Variants in MON2 observed in about 807,000 individuals in gnomAD.
The protein encoded by MON2 is MON2 regulator of endosome-to-Golgi trafficking.
In MON2, 84 loss-of-function variants were observed where a neutral mutation model predicts 208.6. That is an observed-to-expected ratio of 0.40 (90% CI 0.34 to 0.48). The LOEUF (loss-of-function observed/expected upper bound fraction) is 0.48, where lower values mean the gene tolerates loss of function less well. Ranked by LOEUF, MON2 falls within the 20% of genes least tolerant of loss-of-function variation. The pLI, the probability that MON2 is intolerant of heterozygous loss-of-function variation, is 0.59. For missense variants in MON2, 1,611 were observed against 2,015.4 expected (o/e 0.80, Z 3.84); for synonymous variants, 660 against 694.0 (o/e 0.95, Z 0.77).
intron 1 of MON2, among the ~76,000 whole-genome samples, chr12:62,473,629 G>C (rs2068906663): frequency 6.6e-6 from 1 of 152,032 alleles, no homozygotes; most frequent in African/African-American, 2.4e-5. Flanking sequence ...GGAGTGCAGT[G>C]GGCTATCTTG....
At chr12:62,478,115 TATA>T (rs1256183210) in intron 1 of MON2, among the ~76,000 whole-genome samples, 1 of 145,178 alleles carries the variant, frequency 6.9e-6, no homozygotes, top group African/African-American at 2.5e-5. Context: ...CACTTGTAGA[TATA>T]ATTTGTGTGT....
At chr12:62,537,418 A>G (rs536679619) in intron 15 of MON2, among the ~76,000 whole-genome samples, 155 bp downstream of exon 15, 151 of 152,346 alleles carry the variant, frequency 9.9e-4, no homozygotes, top group African/African-American at 3.6e-3. Context: ...TGCAGTTGAC[A>G]TTACTGTAAC....
intron 31 of MON2, among the ~76,000 whole-genome samples, chr12:62,580,019 C>G (rs1443115925): frequency 6.6e-6 from 1 of 152,070 alleles, no homozygotes; most frequent in Non-Finnish European, 1.5e-5. Context: ...CTCTAGAGCC[C>G]TATTTGCAGT....
intron 14 of MON2, among the ~76,000 whole-genome samples, chr12:62,536,495 C>G (rs1300950284): frequency 1.3e-5 from 2 of 152,094 alleles, no homozygotes; most frequent in African/African-American, 2.4e-5. Context: ...ACTCAGTTTT[C>G]AAACTGAAAA....
Position 62,532,421 on chromosome 12 carries a change from A to G in MON2, c.1401-17A>G, listed in dbSNP as rs1455523078. 2.6e-6 allele frequency: 4 copies of G among 1,568,408 alleles called. No individual in the cohort carries two copies. In the East Asian group the frequency reaches 6.7e-5, roughly 26 times the overall value. Reference sequence around the variant, plus strand: ...TTGTGGCTTCTCATTAGTATTCTATATTTTTCATAATTTCAGCTTAGAAAT... The same window carrying G: ...TTGTGGCTTCTCATTAGTATTCTATGTTTTTCATAATTTCAGCTTAGAAAT... On this transcript the variant is annotated splice_polypyrimidine_tract_variant and intron_variant, in intron 11 of 34. Coordinates refer to ENST00000393630, the MANE Select transcript of MON2 (RefSeq NM_015026.3).
chr12:62,503,625 T>C (rs553514011), intron 7 of MON2, among the ~76,000 whole-genome samples: 1 of 152,348 alleles, frequency 6.6e-6, no homozygotes, highest in South Asian at 2.1e-4. Context: ...CTGTGGAACT[T>C]TTCATGGTTT....
chr12:62,531,106 A>G (rs1027320783), intron 11 of MON2, among the ~76,000 whole-genome samples: 1 of 152,162 alleles, frequency 6.6e-6, no homozygotes, highest in African/African-American at 2.4e-5. Flanking sequence ...TAAGAGTTAT[A>G]TATTCTAGAT....
Position 62,534,518 on chromosome 12 carries a change from CAAAAAAAAAAA to C in MON2, c.1634-312_1634-302del, listed in dbSNP as rs869145698. 2.3e-3 allele frequency among the ~76,000 whole-genome samples: 154 copies of C among 67,428 alleles called. 2 individuals are homozygous for C. The highest frequency in any genetic ancestry group is 0.012 in the South Asian group (22 of 1,784). The allele number at this position is 67,428 out of a possible 152,430, so 44.2% of individuals were successfully genotyped here. ...TGGGCAACAGAGCAAGACTCCATCG[CAAAAAAAAAAA>C]AAAAAAAAAAAAAATATATATATAT... On this transcript the variant is annotated intron_variant, in intron 12 of 34. Coordinates refer to ENST00000393630, the MANE Select transcript of MON2 (RefSeq NM_015026.3).
chr12:62,503,104 C>G (rs2070926961), intron 7 of MON2, among the ~76,000 whole-genome samples: 1 of 152,108 alleles, frequency 6.6e-6, no homozygotes, highest in Non-Finnish European at 1.5e-5. Flanking sequence ...TCTTGACTGC[C>G]TTCTATGTGC....
At chr12:62,586,476 T>G (rs1234114704) in intron 33 of MON2, among the ~76,000 whole-genome samples, 1 of 152,236 alleles carries the variant, frequency 6.6e-6, no homozygotes, top group African/African-American at 2.4e-5. Flanking sequence ...CATTTTTAAA[T>G]TATTTGCCAG....
At chr12:62,467,362 T>C (rs767536217) in intron 1 of MON2, 44 bp downstream of exon 1, 2 of 1,506,070 alleles carry the variant, frequency 1.3e-6, no homozygotes, top group Non-Finnish European at 1.8e-6. Context: ...TGAGCATGCC[T>C]GGTCCTGTTA....
At chr12:62,534,228 A>AT (rs2072795747) in intron 12 of MON2, among the ~76,000 whole-genome samples, 1 of 149,316 alleles carries the variant, frequency 6.7e-6, no homozygotes, top group African/African-American at 2.5e-5. Context: ...CTGTCTCTTA[A>AT]AAAAAAAAAT....
At chr12:62,578,123 T>C (rs547816797) in intron 30 of MON2, among the ~76,000 whole-genome samples, 9 of 152,308 alleles carry the variant, frequency 5.9e-5, no homozygotes, top group Admixed American at 4.6e-4. Flanking sequence ...ACCACAATGG[T>C]AACTTTTGCT....
At chr12:62,495,959 T>C (rs191457963) in intron 4 of MON2, among the ~76,000 whole-genome samples, 1 of 152,194 alleles carries the variant, frequency 6.6e-6, no homozygotes, top group Admixed American at 6.6e-5. Context: ...TAAAAAGTTT[T>C]TTATTATGAA....
Position 62,493,922 on chromosome 12 carries a change from A to G in MON2, c.183A>G (p.Lys61=). The G allele has an allele frequency of 6.3e-7, 1 of 1,583,508 alleles. No homozygotes were observed. The highest frequency in any genetic ancestry group is 1.3e-5 in the African/African-American group (1 of 74,438). The change falls in exon 3 of 35, where the codon AAA becomes AAG. Residue 61 remains lysine (K), a synonymous_variant. Transcript: ENST00000393630. ...TATGTGTTCTAAATGAAGCACTGAA[A>G]GAGAACAGCTCAGAGGTTGTACAGC... ...ARNTEILAAL[K]ENSSEVVQPF... is the part of the protein sequence containing the mutation.
chr12:62,584,341 T>G (rs898056750), intron 32 of MON2, among the ~76,000 whole-genome samples: 9 of 152,180 alleles, frequency 5.9e-5, no homozygotes, highest in African/African-American at 2.2e-4. Flanking sequence ...GTTTTACTTC[T>G]CATTGATTGT....
chr12:62,475,107 C>T lies in MON2; in HGVS notation c.111+7789C>T, dbSNP rs545051298. On this transcript the variant is annotated intron_variant, in intron 1 of 34. Transcript: ENST00000393630. ...ATATTCTCTTGATTTTCCTAACCTT[C>T]CTTTTTAGCTTTATCACCCTCAAAT... is the stretch of plus-strand genomic sequence containing the variant. 1.2e-4 allele frequency among the ~76,000 whole-genome samples: 19 copies of T among 152,328 alleles called. No individual in the cohort carries two copies. The South Asian group carries it at 3.3e-3, about 27-fold the overall frequency.
chr12:62,523,717 T>A (rs1481385897), intron 8 of MON2, among the ~76,000 whole-genome samples: 2 of 152,160 alleles, frequency 1.3e-5, no homozygotes, highest in African/African-American at 4.8e-5. Context: ...ATCCAATAAC[T>A]TGCTGTACCT....
intron 23 of MON2, 79 bp downstream of exon 23, chr12:62,549,909 T>C: frequency 6.5e-6 from 6 of 927,308 alleles, no homozygotes; most frequent in Non-Finnish European, 9.0e-6. Context: ...TAAGCAAATA[T>C]ACTTTTAGCT....
Sources: gnomAD v4.1 joint callset for allele counts (sites outside exome capture counted in the v4.1 genomes callset) on GRCh38, gnomAD v4.1.1 for gene constraint, MANE v1.5 for transcripts, NCBI Gene and HGNC (gene_info 2026-07-23, HGNC 2026-07-21) for gene names.